Variants in PTPRT observed in about 807,000 individuals in gnomAD.
PTPRT encodes receptor-type tyrosine-protein phosphatase T.
PTPRT carries 56 observed loss-of-function variants against 176.8 expected under a neutral mutation model. That is an observed-to-expected ratio of 0.32 (90% CI 0.26 to 0.40). The LOEUF (loss-of-function observed/expected upper bound fraction) is 0.40, where lower values mean the gene tolerates loss of function less well. Ranked by LOEUF, PTPRT falls within the 10% of genes least tolerant of loss-of-function variation. The pLI is 1.00. For missense variants in PTPRT, 1,540 were observed against 1,908.2 expected (o/e 0.81, Z 3.60); for synonymous variants, 783 against 739.0 (o/e 1.06, Z -0.96).
intron 7 of PTPRT, among the ~76,000 whole-genome samples, chr20:42,490,902 C>T (rs2071551022): frequency 6.6e-6 from 1 of 152,064 alleles, no homozygotes; most frequent in Non-Finnish European, 1.5e-5. Flanking sequence ...TTGGTGAATA[C>T]CTTTATCAAA....
intron 2 of PTPRT, among the ~76,000 whole-genome samples, chr20:42,884,165 C>G (rs1259608251): frequency 6.6e-6 from 1 of 152,086 alleles, no homozygotes; most frequent in African/African-American, 2.4e-5. Flanking sequence ...GATTGGGCAA[C>G]AGACAGAGGT....
chr20:42,746,193 A>G (rs2076688528), intron 6 of PTPRT, among the ~76,000 whole-genome samples: 1 of 152,196 alleles, frequency 6.6e-6, no homozygotes, highest in Non-Finnish European at 1.5e-5. Context: ...ACACTTTTTT[A>G]AAAATAAGCT....
chr20:42,760,379 GCTT>G (rs1340938454), intron 5 of PTPRT, among the ~76,000 whole-genome samples: 2 of 119,354 alleles, frequency 1.7e-5, no homozygotes, highest in Non-Finnish European at 3.4e-5. Context: ...TTCTAAATCT[GCTT>G]TTTTTTTTTT....
chr20:42,452,838 C>A (rs1032814105), intron 8 of PTPRT, among the ~76,000 whole-genome samples: 2 of 152,144 alleles, frequency 1.3e-5, no homozygotes, highest in African/African-American at 4.8e-5. Flanking sequence ...TTACACCTTA[C>A]ACGTTAATAT....
chr20:42,088,534 T>C (rs1984263006), intron 27 of PTPRT, among the ~76,000 whole-genome samples: 1 of 152,200 alleles, frequency 6.6e-6, no homozygotes, highest in South Asian at 2.1e-4. Context: ...CCCACCTTCT[T>C]AGCTGTGGAA....
At chr20:43,108,821 T>C (rs545250280) in intron 1 of PTPRT, among the ~76,000 whole-genome samples, 2 of 152,158 alleles carry the variant, frequency 1.3e-5, no homozygotes, top group African/African-American at 4.8e-5. Context: ...AGCCACGCAA[T>C]GGGACAATCA....
At position 42,468,247 on chromosome 20, in the gene PTPRT, A is replaced by T. The variant is rs550862163; in HGVS notation, c.1450+4019T>A. ...TGAATTCAGCCATTCAGCCAACTCA[A>T]TCCTAAAGGTTGCTTGCTGGCTCCC... On this transcript the variant is annotated intron_variant, in intron 8 of 30. Transcript: ENST00000373187. 1.4e-4 allele frequency among the ~76,000 whole-genome samples: 21 copies of T among 152,308 alleles called. No individual in the cohort carries two copies. The East Asian group carries it at 4.1e-3, about 29-fold the overall frequency.
chr20:42,604,423 A>G (rs62203819), intron 7 of PTPRT, among the ~76,000 whole-genome samples: 2,335 of 152,274 alleles, frequency 0.015, 32 homozygotes, highest in Middle Eastern at 0.071. Flanking sequence ...GATCCCCAGG[A>G]GCTCATGAAT....
At chr20:42,462,327 G>T (rs2071034563) in intron 8 of PTPRT, among the ~76,000 whole-genome samples, 1 of 152,166 alleles carries the variant, frequency 6.6e-6, no homozygotes, top group African/African-American at 2.4e-5. Flanking sequence ...CAGCTCCAGT[G>T]GTGCTTCTGG....
chr20:42,106,998 C>T, intron 23 of PTPRT, 77 bp from the exon 24 acceptor site: 3 of 1,545,186 alleles, frequency 1.9e-6, no homozygotes, highest in African/African-American at 1.4e-5. Flanking sequence ...GCATTCAGCC[C>T]TATCCCCAAG....
chr20:42,754,164 A>T (rs75893543), intron 6 of PTPRT, among the ~76,000 whole-genome samples: 4,603 of 150,608 alleles, frequency 0.031, 217 homozygotes, highest in African/African-American at 0.1. Context: ...ACATAATACA[A>T]ATATAATAAT....
In PTPRT at chr20:42,621,127, A is replaced by T. The variant is rs181509690; in HGVS notation, c.1153+56739T>A. On this transcript the variant is annotated intron_variant, in intron 7 of 30. Transcript: ENST00000373187. ...GCTGCAAGATGAGATTTGGGTGGGG[A>T]CAAAGAGCCAAACCATATCACCTGC... is the stretch of plus-strand genomic sequence containing the variant. Among the ~76,000 whole-genome samples the T allele has an allele frequency of 6.1e-3, 922 of 152,252 alleles. 11 individuals are homozygous for T. The highest frequency in any genetic ancestry group is 8.3e-3 in the Non-Finnish European group (562 of 68,002).
chr20:43,092,428 T>C (rs558766651), intron 1 of PTPRT, among the ~76,000 whole-genome samples: 127 of 152,316 alleles, frequency 8.3e-4, no homozygotes, highest in African/African-American at 3.0e-3. Flanking sequence ...GAAATATGCA[T>C]TGTAGTATTT....
At chr20:42,105,739 T>C (rs1344621314) in intron 24 of PTPRT, among the ~76,000 whole-genome samples, 1 of 152,238 alleles carries the variant, frequency 6.6e-6, no homozygotes, top group Admixed American at 6.5e-5. Flanking sequence ...GCCTGAAGAC[T>C]GGCCTGTGTG....
intron 7 of PTPRT, among the ~76,000 whole-genome samples, chr20:42,628,263 G>T (rs2074333034): frequency 6.6e-6 from 1 of 152,126 alleles, no homozygotes; most frequent in South Asian, 2.1e-4. Context: ...TAGCTCCTCA[G>T]TGGGACAGGG....
Position 42,956,654 on chromosome 20 carries a change from C to G in PTPRT, c.89-70722G>C, listed in dbSNP as rs118049573. ...AGCAATGCAAGAATGGCCTAACACA[C>G]TAGAGCACCAAAGACTCTGCAGCTC... On this transcript the variant is annotated intron_variant, in intron 1 of 30. Transcript: ENST00000373187. Among the ~76,000 whole-genome samples the G allele has an allele frequency of 4.4e-4, 67 of 152,206 alleles. 3 individuals carry two copies. In the East Asian group the frequency reaches 0.013, roughly 29 times the overall value.
chr20:42,986,500 C>T (rs1002009283), intron 1 of PTPRT, among the ~76,000 whole-genome samples: 2 of 152,200 alleles, frequency 1.3e-5, no homozygotes, highest in Non-Finnish European at 2.9e-5. Flanking sequence ...TCCAGCATTC[C>T]CCTTAGTACA....
At chr20:42,881,744 A>C (rs1600512860) in intron 2 of PTPRT, among the ~76,000 whole-genome samples, 1 of 150,290 alleles carries the variant, frequency 6.7e-6, no homozygotes, top group East Asian at 1.9e-4. Context: ...AAAAAAAAAA[A>C]AAAAAGAGAG....
At chr20:42,705,578 CAAT>C (rs1172015277) in intron 6 of PTPRT, among the ~76,000 whole-genome samples, 2 of 152,070 alleles carry the variant, frequency 1.3e-5, no homozygotes, top group African/African-American at 4.8e-5. Flanking sequence ...GAGGACCTTA[CAAT>C]AATAATAATG....
Sources: allele counts gnomAD v4.1 joint callset (sites outside exome capture counted in the v4.1 genomes callset), GRCh38; gene constraint gnomAD v4.1.1; transcripts MANE v1.5; gene names NCBI Gene and HGNC (gene_info 2026-07-23, HGNC 2026-07-21).